Variants in FERMT2 observed in about 807,000 individuals in gnomAD.
FERMT2 encodes the protein FERM domain containing kindlin 2.
In FERMT2, 15 loss-of-function variants were observed where a neutral mutation model predicts 82.7. That is an observed-to-expected ratio of 0.18 (90% CI 0.12 to 0.28). FERMT2 has a LOEUF of 0.28. FERMT2 is among the 10% of genes least tolerant of loss of function. FERMT2 has a pLI of 1.00. For synonymous variants in FERMT2, 274 were observed against 271.5 expected (o/e 1.01, Z -0.09); for missense variants, 645 against 809.4 (o/e 0.80, Z 2.46).
At chr14:52,873,948 C>CT (rs374646717) in intron 9 of FERMT2, among the ~76,000 whole-genome samples, 2,193 of 139,698 alleles carry the variant, frequency 0.016, 16 homozygotes, top group East Asian at 0.057. Context: ...GTTTCACAAT[C>CT]TTTTTTTTTT....
chr14:52,947,349 G>C (rs1003410603), intron 2 of FERMT2, among the ~76,000 whole-genome samples: 2 of 152,058 alleles, frequency 1.3e-5, no homozygotes, highest in Non-Finnish European at 2.9e-5. Context: ...CATGGTGGCG[G>C]GTGTCTGTAG....
intron 3 of FERMT2, among the ~76,000 whole-genome samples, chr14:52,915,480 G>T (rs1888564803): frequency 6.6e-6 from 1 of 152,136 alleles, no homozygotes; most frequent in Admixed American, 6.5e-5. Flanking sequence ...CACACAACAT[G>T]GAATTTTGGT....
chr14:52,931,174 C>T (rs1268771948), intron 2 of FERMT2, among the ~76,000 whole-genome samples: 1 of 152,082 alleles, frequency 6.6e-6, no homozygotes, highest in African/African-American at 2.4e-5. Context: ...CTAAGTTGGG[C>T]AATGGAATAT....
chr14:52,873,669 T>A (rs1461876982), intron 9 of FERMT2: 1 of 152,586 alleles, frequency 6.6e-6, no homozygotes, highest in African/African-American at 2.4e-5. Context: ...CACCTCCTTT[T>A]CCTTTTTCTC....
intron 14 of FERMT2, 91 bp downstream of exon 14, chr14:52,859,482 T>A: frequency 8.4e-7 from 1 of 1,187,832 alleles, no homozygotes; most frequent in Non-Finnish European, 1.1e-6. Flanking sequence ...GTGGTACAAA[T>A]AATCATCAGA....
intron 2 of FERMT2, among the ~76,000 whole-genome samples, chr14:52,932,238 GATAAAGTT>G (rs1232116028): frequency 6.6e-6 from 1 of 152,150 alleles, no homozygotes; most frequent in Non-Finnish European, 1.5e-5. Flanking sequence ...CATTAGCCAA[GATAAAGTT>G]ACGCAGAAGA....
At chr14:52,933,304 C>T (rs1889674236) in intron 2 of FERMT2, among the ~76,000 whole-genome samples, 1 of 152,150 alleles carries the variant, frequency 6.6e-6, no homozygotes, top group African/African-American at 2.4e-5. Context: ...TGCCTTAGTT[C>T]AGGTCCCCAA....
chr14:52,865,002 CAT>C, intron 10 of FERMT2, 149 bp from the exon 11 acceptor site: 2 of 600,760 alleles, frequency 3.3e-6, no homozygotes, highest in Non-Finnish European at 5.9e-6. Context: ...GTAACATACA[CAT>C]ATACTTGGGA....
intron 3 of FERMT2, among the ~76,000 whole-genome samples, chr14:52,902,892 C>CAAAAAAAAAAAAAAA (rs1355070805): frequency 8.2e-5 from 3 of 36,754 alleles, no homozygotes; most frequent in Non-Finnish European, 1.5e-4. Context: ...AAAAAAAAAA[C>CAAAAAAAAAAAAAAA]CCCAAAACAC....
At chr14:52,870,464 G>T (rs1343483181) in intron 10 of FERMT2, among the ~76,000 whole-genome samples, 1 of 152,054 alleles carries the variant, frequency 6.6e-6, no homozygotes, top group Non-Finnish European at 1.5e-5. Flanking sequence ...GGTCAGGCTG[G>T]TCTCCAACTT....
intron 3 of FERMT2, among the ~76,000 whole-genome samples, chr14:52,911,523 C>T (rs879445904): frequency 7.2e-5 from 11 of 151,880 alleles, no homozygotes; most frequent in Admixed American, 3.9e-4. Context: ...TGGTGGCGAG[C>T]GCCTATAGTC....
At chr14:52,868,794 G>A (rs975668177) in intron 10 of FERMT2, among the ~76,000 whole-genome samples, 2 of 152,148 alleles carry the variant, frequency 1.3e-5, no homozygotes, top group African/African-American at 2.4e-5. Context: ...AGATAAGCGT[G>A]TACAACATAG....
At chr14:52,860,560 A>T (rs1884867212) in intron 12 of FERMT2, 95 bp from the exon 13 acceptor site, 2 of 1,040,402 alleles carry the variant, frequency 1.9e-6, no homozygotes, top group Non-Finnish European at 2.8e-6. Context: ...CGCACCCCGT[A>T]CCCCAAAATC....
chr14:52,893,254 A>G (rs1380928129), intron 4 of FERMT2, 39 bp downstream of exon 4: 2 of 1,559,918 alleles, frequency 1.3e-6, no homozygotes, highest in Non-Finnish European at 1.7e-6. Context: ...CACAGTCCAC[A>G]GTTCTTACTT....
At chr14:52,946,568 A>C (rs368924723) in intron 2 of FERMT2, among the ~76,000 whole-genome samples, 1 of 152,282 alleles carries the variant, frequency 6.6e-6, no homozygotes, top group African/African-American at 2.4e-5. Flanking sequence ...CAAGAGGATT[A>C]CTTGAGCCCA....
At chr14:52,877,574 C>CTTTTT (rs34676786) in intron 7 of FERMT2, among the ~76,000 whole-genome samples, 4,770 of 66,894 alleles carry the variant, frequency 0.071, 1,530 homozygotes, top group East Asian at 0.16. Flanking sequence ...GCTGTTCTTG[C>CTTTTT]TTTTTTTTTT....
rs185702868 is a variant in FERMT2 at position 52,857,590 on chromosome 14, A to G, written c.*787T>C. The stretch of plus-strand genomic sequence containing the variant: ...ATTAACGCAGAGATTGCTACATTTA[A>G]GCCATCTGCTAGTTGTGAGTAGTTT... On this transcript the variant is annotated 3_prime_UTR_variant, in exon 15 of 15. Transcript: ENST00000341590. The G allele has an allele frequency of 2.6e-5, 4 of 152,794 alleles. No individual in the cohort carries two copies. The highest frequency in any genetic ancestry group is 2.6e-4 in the Admixed American group (4 of 15,302). 9.5% of individuals were successfully genotyped at this position (152,794 alleles called of 1,614,324 possible). A position where few individuals can be genotyped will look rare whatever the true frequency, so the allele number is the denominator to read the frequency against.
chr14:52,915,621 T>C (rs1888573802), intron 3 of FERMT2, among the ~76,000 whole-genome samples: 1 of 152,178 alleles, frequency 6.6e-6, no homozygotes, highest in Admixed American at 6.5e-5. Context: ...AAGTAAATTC[T>C]AAGTAGATAA....
intron 3 of FERMT2, among the ~76,000 whole-genome samples, chr14:52,896,858 T>C (rs1887283569): frequency 6.6e-6 from 1 of 151,862 alleles, no homozygotes; most frequent in Non-Finnish European, 1.5e-5. Flanking sequence ...TAGCCAGGCA[T>C]AGTGGTGCAC....
Sources: gnomAD v4.1 joint callset for allele counts (sites outside exome capture counted in the v4.1 genomes callset) on GRCh38, gnomAD v4.1.1 for gene constraint, MANE v1.5 for transcripts, NCBI Gene and HGNC (gene_info 2026-07-23, HGNC 2026-07-21) for gene names.